PPP4R4: variants seen among roughly 807,000 people sequenced by gnomAD.
PPP4R4 encodes the protein protein phosphatase 4 regulatory subunit 4.
Under a neutral mutation model 121.8 loss-of-function variants are expected in PPP4R4, and 70 were observed. That is an observed-to-expected ratio of 0.57 (90% CI 0.47 to 0.70). The LOEUF (loss-of-function observed/expected upper bound fraction) is 0.70. PPP4R4 is among the 30% of genes least tolerant of loss of function. PPP4R4 has a pLI of 0.00. For missense variants in PPP4R4, 875 were observed against 1,033.6 expected, an observed-to-expected ratio of 0.85 and a Z score of 2.10; for synonymous variants, 348 against 355.7, an observed-to-expected ratio of 0.98 and a Z score of 0.24.
At chr14:94,263,774 A>G (rs1208649807) in intron 19 of PPP4R4, among the ~76,000 whole-genome samples, 4 of 152,158 alleles carry the variant, frequency 2.6e-5, no homozygotes, top group Non-Finnish European at 5.9e-5. Flanking sequence ...ATCCAACCCA[A>G]TGAAAATTTT....
At chr14:94,203,783 A>T (rs990065942) in intron 2 of PPP4R4, among the ~76,000 whole-genome samples, 1 of 152,154 alleles carries the variant, frequency 6.6e-6, no homozygotes, top group East Asian at 1.9e-4. Context: ...TGTTTGCCTG[A>T]TGGTTAATGA....
chr14:94,252,912 A>AT (rs1893261554), intron 16 of PPP4R4, among the ~76,000 whole-genome samples: 1 of 152,234 alleles, frequency 6.6e-6, no homozygotes, highest in Non-Finnish European at 1.5e-5. Context: ...TGGTGAGATA[A>AT]TAAGCTAACT....
intron 13 of PPP4R4, 52 bp from the exon 14 acceptor site, chr14:94,246,305 C>T: frequency 6.7e-7 from 1 of 1,487,450 alleles, no homozygotes; most frequent in Non-Finnish European, 9.1e-7. Flanking sequence ...AGTAATTTTA[C>T]TGAGTGCTGC....
intron 3 of PPP4R4, among the ~76,000 whole-genome samples, chr14:94,217,360 C>A (rs928820648): frequency 6.6e-6 from 1 of 152,174 alleles, no homozygotes. Flanking sequence ...AAACCCAGCT[C>A]AACTGCTAAC....
intron 3 of PPP4R4, among the ~76,000 whole-genome samples, chr14:94,223,931 C>T (rs1181987142): frequency 6.6e-6 from 1 of 152,138 alleles, no homozygotes; most frequent in East Asian, 1.9e-4. Context: ...TGTTTTCTAA[C>T]AATACGTTAG....
intron 9 of PPP4R4, 30 bp downstream of exon 9, chr14:94,240,825 G>A: frequency 6.8e-7 from 1 of 1,464,590 alleles, no homozygotes. Context: ...TTTTGAGACT[G>A]TAGATAATTT....
At chr14:94,262,241 G>A (rs2139634223) in intron 19 of PPP4R4, among the ~76,000 whole-genome samples, 1 of 152,054 alleles carries the variant, frequency 6.6e-6, no homozygotes, top group Non-Finnish European at 1.5e-5. Flanking sequence ...AGATAATGTA[G>A]ATCTTCTGTT....
intron 3 of PPP4R4, 124 bp downstream of exon 3, chr14:94,208,690 GTTA>G (rs1351570822): frequency 1.7e-6 from 1 of 581,646 alleles, no homozygotes; most frequent in Admixed American, 3.1e-5. Flanking sequence ...TGGAGGAAGT[GTTA>G]TTATATACAT....
rs554426889 is a variant in PPP4R4 at position 94,262,048 on chromosome 14, T to C, written c.2127+2679T>C. On this transcript the variant is annotated intron_variant, in intron 19 of 24. Transcript: ENST00000304338. Reference sequence around the variant, plus strand: ...GGATTAGATTTGGTATTAATGTTATTCTGGCCTCATAAAACAAGATGGATG... The same window carrying C: ...GGATTAGATTTGGTATTAATGTTATCCTGGCCTCATAAAACAAGATGGATG... Among the ~76,000 whole-genome samples, 6 of 152,152 alleles carry C rather than the reference T, an allele frequency of 3.9e-5. No homozygotes were observed. The East Asian group carries it at 1.2e-3, about 29-fold the overall frequency.
chr14:94,230,660 A>G lies in PPP4R4; in HGVS notation c.368A>G (p.Glu123Gly). The G allele has an allele frequency of 3.1e-6, 5 of 1,612,746 alleles. No individual in the cohort carries two copies. Among genetic ancestry groups the G allele is most frequent in the Non-Finnish European group, 4.2e-6 (5 of 1,178,702 alleles). ...TCATTTCTGACCATTCTGCAGGACGAATCAGTGTCAATTCATGCATATACC... is the reference window on the plus strand; with the variant it reads ...TCATTTCTGACCATTCTGCAGGACGGATCAGTGTCAATTCATGCATATACC... Reference protein sequence around the residue: ...AMSFLTILQDESVSIHAYTHS... With the variant: ...AMSFLTILQDGSVSIHAYTHS... Residue 123 changes from glutamate to glycine, a missense_variant, in exon 4 of 25, where the codon GAA becomes GGA. Glu to Gly is a moderately conservative substitution (Grantham distance 98). Coordinates refer to ENST00000304338, the MANE Select transcript of PPP4R4 (RefSeq NM_058237.2).
intron 14 of PPP4R4, among the ~76,000 whole-genome samples, chr14:94,249,217 T>C (rs1428880014): frequency 1.3e-5 from 2 of 152,062 alleles, no homozygotes; most frequent in Non-Finnish European, 2.9e-5. Context: ...AAAATTCATT[T>C]TCCTTAAGTC....
At position 94,246,343 on chromosome 14, in the gene PPP4R4, C is replaced by G. The variant is rs772198887; in HGVS notation, c.1429-14C>G. The G allele has an allele frequency of 6.3e-7, 1 of 1,583,760 alleles. No homozygotes were observed. Among genetic ancestry groups the G allele is most frequent in the East Asian group, 2.2e-5 (1 of 44,662 alleles). On this transcript the variant is annotated splice_polypyrimidine_tract_variant and intron_variant, in intron 13 of 24. Coordinates refer to ENST00000304338, the MANE Select transcript of PPP4R4 (RefSeq NM_058237.2). The stretch of plus-strand genomic sequence containing the variant: ...TTTATTTATAATTGATTTTTTGATG[C>G]GTTTCATTTTCAGTTATCTTCTCTG...
chr14:94,250,129 G>C (rs941166148), intron 14 of PPP4R4, 43 bp from the exon 15 acceptor site: 24 of 1,306,374 alleles, frequency 1.8e-5, no homozygotes, highest in Non-Finnish European at 2.2e-5. Context: ...ATCTAGACTA[G>C]AATTAGCCTA....
intron 17 of PPP4R4, among the ~76,000 whole-genome samples, chr14:94,257,738 T>C (rs1342537384): frequency 1.3e-5 from 2 of 152,022 alleles, no homozygotes; most frequent in African/African-American, 4.8e-5. Context: ...GTTTAGGCAA[T>C]GGAGTTAACT....
rs1892225112 is a variant in PPP4R4, at chr14:94,234,610, A to G, written c.672A>G (p.Val224=). The part of the protein sequence containing the change: ...LPLVKSLCQD[V]EYEVRSCMCR... ...TGGTAAAATCACTCTGTCAAGATGT[A>G]GAATATGAAGTTCGATCTTGTATGT... Residue 224 remains valine (V), a synonymous_variant, in exon 7 of 25, where the codon GTA becomes GTG. Transcript: ENST00000304338. 2 of 1,610,028 alleles carry G rather than the reference A, an allele frequency of 1.2e-6. No homozygotes were observed. The highest frequency in any genetic ancestry group is 1.1e-5 in the South Asian group (1 of 90,922).
In PPP4R4 at chr14:94,240,813, A is replaced by G; in HGVS notation, c.976+18A>G. On this transcript the variant is annotated intron_variant, in intron 9 of 24. Coordinates refer to ENST00000304338, the MANE Select transcript of PPP4R4 (RefSeq NM_058237.2). ...ACTATATGGTATGATATATCCTAAG[A>G]ATTTTGAGACTGTAGATAATTTTTC... 2 of 1,487,354 alleles carry G rather than the reference A, an allele frequency of 1.3e-6. No individual in the cohort carries two copies. Among genetic ancestry groups the G allele is most frequent in the Non-Finnish European group, 8.9e-7 (1 of 1,123,538 alleles). 92.1% of individuals were successfully genotyped at this position (1,487,354 alleles called of 1,614,324 possible).
intron 18 of PPP4R4, among the ~76,000 whole-genome samples, 197 bp from the exon 19 acceptor site, chr14:94,259,098 T>C (rs1182801394): frequency 6.6e-6 from 1 of 152,174 alleles, no homozygotes; most frequent in East Asian, 1.9e-4. Context: ...GAGAAGAGCA[T>C]AGGAAAGACC....
At chr14:94,209,822 T>C (rs1890649769) in intron 3 of PPP4R4, among the ~76,000 whole-genome samples, 1 of 152,124 alleles carries the variant, frequency 6.6e-6, no homozygotes, top group South Asian at 2.1e-4. Context: ...CTAAGAATAC[T>C]GCATGCTGCA....
chr14:94,206,406 T>A (rs1281042964), intron 2 of PPP4R4, among the ~76,000 whole-genome samples: 1 of 152,070 alleles, frequency 6.6e-6, no homozygotes, highest in East Asian at 1.9e-4. Flanking sequence ...ATTTTTAAAA[T>A]CCACTCTGCC....
Sources: gnomAD v4.1 joint callset for allele counts (sites outside exome capture counted in the v4.1 genomes callset) on GRCh38, gnomAD v4.1.1 for gene constraint, MANE v1.5 for transcripts, NCBI Gene and HGNC (gene_info 2026-07-23, HGNC 2026-07-21) for gene names.